Variants in SLCO6A1 observed in about 807,000 individuals in gnomAD.
SLCO6A1 encodes the protein cancer/testis antigen 48.
In SLCO6A1, 65 loss-of-function variants were observed where a neutral mutation model predicts 72.7. That is an observed-to-expected ratio of 0.89 (90% CI 0.73 to 1.10). SLCO6A1 has a LOEUF of 1.10. Ranked by LOEUF, SLCO6A1 falls within the 50% of genes least tolerant of loss-of-function variation. The pLI is 0.00. For synonymous variants in SLCO6A1, 314 were observed against 298.2 expected (o/e 1.05, Z -0.55); for missense variants, 874 against 872.6 (o/e 1.00, Z -0.02).
chr5:102,383,373 T>C (rs2112493291), intron 12 of SLCO6A1, among the ~76,000 whole-genome samples: 1 of 151,756 alleles, frequency 6.6e-6, no homozygotes, highest in South Asian at 2.1e-4. Flanking sequence ...GATACATTCC[T>C]CTATATCTAA....
chr5:102,380,247 T>C (rs1329044980), intron 12 of SLCO6A1, among the ~76,000 whole-genome samples: 19 of 149,144 alleles, frequency 1.3e-4, no homozygotes, highest in Non-Finnish European at 2.4e-4. Flanking sequence ...CCATGTGAAG[T>C]GGTAAAAATG....
At chr5:102,419,655 T>G (rs191309943) in intron 8 of SLCO6A1, among the ~76,000 whole-genome samples, 171 bp downstream of exon 8, 1 of 146,838 alleles carries the variant, frequency 6.8e-6, no homozygotes, top group Admixed American at 6.6e-5. Flanking sequence ...CATTATAATA[T>G]TTGTGCCTTA....
intron 1 of SLCO6A1, among the ~76,000 whole-genome samples, chr5:102,485,234 A>G (rs1752393004): frequency 6.6e-6 from 1 of 151,852 alleles, no homozygotes; most frequent in Admixed American, 6.6e-5. Flanking sequence ...CTGGGCAACA[A>G]GAGCGAAACT....
chr5:102,498,221 C>G (rs928306889), intron 1 of SLCO6A1, among the ~76,000 whole-genome samples: 5 of 152,220 alleles, frequency 3.3e-5, no homozygotes, highest in African/African-American at 1.2e-4. Flanking sequence ...TCCCGCACAG[C>G]CGGCTCTGCG....
At position 102,477,801 on chromosome 5, in the gene SLCO6A1, G is replaced by A. The variant is rs1222174664; in HGVS notation, c.677C>T (p.Ser226Leu). The A allele has an allele frequency of 1.9e-6, 3 of 1,613,516 alleles. No homozygotes were observed. The East Asian group carries it at 6.7e-5, about 36-fold the overall frequency. The change falls in exon 3 of 14, where the codon TCA (serine) becomes TTA (leucine). Residue 226 changes from serine to leucine, a missense_variant. Transcript: ENST00000506729. ...AAGGATGAAGAAAGACAGGTATTTT[G>A]ATTGGAATGATATACCACTGCTCTG... Reference protein sequence around the residue: ...GCQSSGISFQSKYLSFFILGQ... With the variant: ...GCQSSGISFQLKYLSFFILGQ...
At chr5:102,395,623 T>C (rs1479439881) in intron 10 of SLCO6A1, among the ~76,000 whole-genome samples, 1 of 152,098 alleles carries the variant, frequency 6.6e-6, no homozygotes, top group East Asian at 1.9e-4. Flanking sequence ...CACACTGACT[T>C]CCACAATGGT....
chr5:102,495,388 G>T (rs1752863901), intron 1 of SLCO6A1, among the ~76,000 whole-genome samples: 1 of 152,206 alleles, frequency 6.6e-6, no homozygotes, highest in South Asian at 2.1e-4. Flanking sequence ...GAAGTCAGGA[G>T]TTTGAGACCA....
chr5:102,414,920 T>G (rs1213067277), intron 8 of SLCO6A1, among the ~76,000 whole-genome samples: 1 of 151,186 alleles, frequency 6.6e-6, no homozygotes, highest in Non-Finnish European at 1.5e-5. Flanking sequence ...AATAAATAAA[T>G]AAATAAATAA....
intron 9 of SLCO6A1, among the ~76,000 whole-genome samples, chr5:102,408,277 A>T (rs1323295881): frequency 1.3e-5 from 2 of 152,146 alleles, no homozygotes; most frequent in Non-Finnish European, 2.9e-5. Context: ...AAAATACCTT[A>T]ATATTTTCAG....
At chr5:102,482,613 A>G (rs187593624) in intron 1 of SLCO6A1, among the ~76,000 whole-genome samples, 1 of 152,346 alleles carries the variant, frequency 6.6e-6, no homozygotes, top group East Asian at 1.9e-4. Flanking sequence ...CTATAAGACC[A>G]AAAGTTCTGG....
chr5:102,405,395 AT>A (rs1307462585), intron 9 of SLCO6A1, among the ~76,000 whole-genome samples: 3 of 151,542 alleles, frequency 2.0e-5, no homozygotes, highest in African/African-American at 7.3e-5. Flanking sequence ...GAAAAGCAAA[AT>A]TTAAAAAAAA....
intron 1 of SLCO6A1, among the ~76,000 whole-genome samples, chr5:102,486,266 T>C (rs972179676): frequency 2.0e-5 from 3 of 152,176 alleles, no homozygotes; most frequent in African/African-American, 4.8e-5. Context: ...CTAAAATAAA[T>C]CTTGTATGCT....
chr5:102,490,812 G>A (rs1308312722), intron 1 of SLCO6A1, among the ~76,000 whole-genome samples: 1 of 152,142 alleles, frequency 6.6e-6, no homozygotes, highest in East Asian at 1.9e-4. Flanking sequence ...TTCGCGGTGA[G>A]TGTTACCGCT....
intron 3 of SLCO6A1, among the ~76,000 whole-genome samples, chr5:102,476,181 C>A (rs957344120): frequency 6.6e-6 from 1 of 151,920 alleles, no homozygotes; most frequent in Admixed American, 6.6e-5. Flanking sequence ...AACCAAATAC[C>A]ACCTGTTCCC....
intron 12 of SLCO6A1, among the ~76,000 whole-genome samples, chr5:102,387,351 C>T (rs968526797): frequency 3.9e-5 from 6 of 152,148 alleles, no homozygotes; most frequent in African/African-American, 1.2e-4. Context: ...TATCTCCTTT[C>T]AATAGCTCCC....
At chr5:102,461,279 T>C (rs530269025) in intron 4 of SLCO6A1, among the ~76,000 whole-genome samples, 1 of 152,024 alleles carries the variant, frequency 6.6e-6, no homozygotes, top group Non-Finnish European at 1.5e-5. Flanking sequence ...ATAAAGGAAA[T>C]TATAAATCTT....
At chr5:102,468,588 C>G (rs1257361493) in intron 4 of SLCO6A1, among the ~76,000 whole-genome samples, 1 of 151,922 alleles carries the variant, frequency 6.6e-6, no homozygotes, top group Non-Finnish European at 1.5e-5. Flanking sequence ...TATAATATCC[C>G]TCTTTGTCTT....
intron 9 of SLCO6A1, among the ~76,000 whole-genome samples, chr5:102,400,444 T>G (rs1355081161): frequency 6.6e-6 from 1 of 152,012 alleles, no homozygotes; most frequent in Non-Finnish European, 1.5e-5. Flanking sequence ...AAGGCAAAAG[T>G]GTCTAGAGTC....
intron 12 of SLCO6A1, among the ~76,000 whole-genome samples, chr5:102,387,425 C>G (rs1478371262): frequency 6.6e-6 from 1 of 152,128 alleles, no homozygotes; most frequent in Non-Finnish European, 1.5e-5. Flanking sequence ...AACAGGTAAC[C>G]ATGTTACAAT....
Sources: gnomAD v4.1 joint callset for allele counts (sites outside exome capture counted in the v4.1 genomes callset) on GRCh38, gnomAD v4.1.1 for gene constraint, MANE v1.5 for transcripts, NCBI Gene and HGNC (gene_info 2026-07-23, HGNC 2026-07-21) for gene names.